COL24A1: variants seen among roughly 807,000 people sequenced by gnomAD.
The protein encoded by COL24A1 is collagen alpha-1(XXIV) chain.
A neutral mutation model predicts 253.9 loss-of-function variants in COL24A1; 224 were observed. That is an observed-to-expected ratio of 0.88 (90% CI 0.79 to 0.99). The LOEUF (loss-of-function observed/expected upper bound fraction) is 0.99. COL24A1 is among the 50% of genes least tolerant of loss of function. The probability of loss-of-function intolerance (pLI) is 0.00; values close to 1 mark genes in which losing one functional copy is unlikely to be tolerated. For synonymous variants in COL24A1, 685 were observed against 673.7 expected (o/e 1.02, Z -0.26); for missense variants, 2,131 against 2,068.5 (o/e 1.03, Z -0.59).
At chr1:86,022,630 A>C (rs771209285) in intron 16 of COL24A1, 39 bp from the exon 17 acceptor site, 2 of 1,576,160 alleles carry the variant, frequency 1.3e-6, no homozygotes, top group African/African-American at 2.7e-5. Flanking sequence ...CTTATGTATC[A>C]CAAACATGGC....
At chr1:86,144,161 A>T (rs1651542632) in intron 2 of COL24A1, among the ~76,000 whole-genome samples, 1 of 152,108 alleles carries the variant, frequency 6.6e-6, no homozygotes, top group African/African-American at 2.4e-5. Flanking sequence ...ATAAAATTTT[A>T]GGTGTATAAA....
intron 37 of COL24A1, among the ~76,000 whole-genome samples, chr1:85,864,883 CA>C (rs1215865852): frequency 6.6e-6 from 1 of 152,148 alleles, no homozygotes; most frequent in African/African-American, 2.4e-5. Flanking sequence ...TTAGATAACA[CA>C]GTGGTAGATT....
intron 20 of COL24A1, among the ~76,000 whole-genome samples, chr1:85,977,385 A>T (rs1176604293): frequency 6.6e-6 from 1 of 152,230 alleles, no homozygotes; most frequent in African/African-American, 2.4e-5. Context: ...GAATTGCCAG[A>T]TAAAGAATTC....
At chr1:85,759,287 A>G (rs1429985460) in intron 55 of COL24A1, among the ~76,000 whole-genome samples, 1 of 152,208 alleles carries the variant, frequency 6.6e-6, no homozygotes, top group Non-Finnish European at 1.5e-5. Context: ...GAGAATTTAA[A>G]AAGTAGTCTC....
rs370727089 is a variant in COL24A1, at chr1:85,730,608, G to T, written c.5083C>A (p.Leu1695Ile). The T allele has an allele frequency of 6.2e-7, 1 of 1,614,008 alleles. No homozygotes were observed. The highest frequency in any genetic ancestry group is 8.5e-7 in the Non-Finnish European group (1 of 1,179,910). The part of the protein sequence containing the change: ...NQLPVIEVQK[L>I]PHLKTERKYY... ...TTTCGTTCAGTTTTGAGATGAGGAA[G>T]TTTTTGTACTTCAATCACTGGAAGT... The change falls in exon 60 of 60, where the codon CTT becomes ATT. Residue 1695 changes from leucine (L) to isoleucine (I), a missense_variant. Transcript: ENST00000370571.
chr1:85,889,032 C>A (rs556158835), intron 32 of COL24A1, among the ~76,000 whole-genome samples: 3 of 151,960 alleles, frequency 2.0e-5, no homozygotes, highest in Non-Finnish European at 4.4e-5. Flanking sequence ...CACAACGTAC[C>A]GTCCATGGAA....
intron 43 of COL24A1, among the ~76,000 whole-genome samples, chr1:85,834,614 C>A (rs1201468857): frequency 6.6e-6 from 1 of 152,156 alleles, no homozygotes; most frequent in African/African-American, 2.4e-5. Context: ...CCCCCCTCCG[C>A]CCACAGCAAA....
At position 86,003,451 on chromosome 1, in the gene COL24A1, T is replaced by C. The variant is rs1695627144; in HGVS notation, c.2310+13700A>G. Among the ~76,000 whole-genome samples, 3 of 152,168 alleles carry C rather than the reference T, an allele frequency of 2.0e-5. No individual in the cohort carries two copies. The East Asian group carries it at 5.8e-4, about 29-fold the overall frequency. On this transcript the variant is annotated intron_variant, in intron 19 of 59. Transcript: ENST00000370571. ...CACACTCACTGCAGTTACCTTCTCC[T>C]AGCTTATAACTACAGGAATATGTGT...
chr1:85,875,626 G>A (rs1442367176), intron 33 of COL24A1, among the ~76,000 whole-genome samples: 1 of 151,534 alleles, frequency 6.6e-6, no homozygotes, highest in African/African-American at 2.4e-5. Flanking sequence ...AGTGCCTTCA[G>A]GAATCTACTT....
At chr1:86,063,264 C>A (rs1251007123) in intron 8 of COL24A1, among the ~76,000 whole-genome samples, 1 of 151,726 alleles carries the variant, frequency 6.6e-6, no homozygotes, top group Non-Finnish European at 1.5e-5. Context: ...ATTTGCATTT[C>A]CTCAGGAAAA....
At chr1:86,126,855 C>T (rs1648388045) in intron 2 of COL24A1, among the ~76,000 whole-genome samples, 1 of 152,068 alleles carries the variant, frequency 6.6e-6, no homozygotes. Context: ...TCCCAGATCC[C>T]ATTTGTTTCT....
At chr1:85,922,758 A>G (rs960798918) in intron 24 of COL24A1, among the ~76,000 whole-genome samples, 1 of 152,228 alleles carries the variant, frequency 6.6e-6, no homozygotes, top group African/African-American at 2.4e-5. Flanking sequence ...AACTGCATCA[A>G]CTAACGGGCA....
chr1:85,740,081 C>A (rs1442418092), intron 57 of COL24A1, among the ~76,000 whole-genome samples: 3 of 152,108 alleles, frequency 2.0e-5, no homozygotes, highest in Non-Finnish European at 2.9e-5. Context: ...TTCCTTACAC[C>A]CTTGCCCTGC....
At chr1:85,998,348 T>C (rs1695061248) in intron 19 of COL24A1, among the ~76,000 whole-genome samples, 1 of 152,170 alleles carries the variant, frequency 6.6e-6, no homozygotes, top group Admixed American at 6.5e-5. Context: ...TCAAATGTAA[T>C]ATGATCTATG....
At chr1:85,978,392 G>A (rs554985388) in intron 20 of COL24A1, among the ~76,000 whole-genome samples, 16 of 151,812 alleles carry the variant, frequency 1.1e-4, no homozygotes, top group African/African-American at 2.7e-4. Context: ...CAATATTAAC[G>A]TTGAATGTAA....
chr1:85,798,290 T>C (rs962821725), intron 47 of COL24A1, among the ~76,000 whole-genome samples: 2 of 152,144 alleles, frequency 1.3e-5, no homozygotes, highest in African/African-American at 2.4e-5. Context: ...ATATTTCGTT[T>C]TGTTGCCAAT....
intron 19 of COL24A1, among the ~76,000 whole-genome samples, chr1:85,994,370 G>T (rs1030604725): frequency 6.9e-6 from 1 of 144,890 alleles, no homozygotes; most frequent in African/African-American, 2.6e-5. Context: ...AATCCTATTT[G>T]AATAATAACT....
intron 32 of COL24A1, among the ~76,000 whole-genome samples, chr1:85,887,658 G>C (rs1264079925): frequency 1.3e-5 from 2 of 152,076 alleles, no homozygotes; most frequent in Non-Finnish European, 2.9e-5. Context: ...GAGGGCTGTA[G>C]TTTACCTATC....
At chr1:85,889,362 A>G (rs1161816780) in intron 32 of COL24A1, among the ~76,000 whole-genome samples, 198 bp downstream of exon 32, 6 of 152,128 alleles carry the variant, frequency 3.9e-5, no homozygotes, top group Non-Finnish European at 8.8e-5. Context: ...GCTCCAGAAA[A>G]ACAGCACCAT....
Sources: gnomAD v4.1 joint callset for allele counts (sites outside exome capture counted in the v4.1 genomes callset) on GRCh38, gnomAD v4.1.1 for gene constraint, MANE v1.5 for transcripts, NCBI Gene and HGNC (gene_info 2026-07-23, HGNC 2026-07-21) for gene names.